Variants in SBNO2 observed in about 807,000 individuals in gnomAD.
SBNO2 encodes strawberry notch homolog 2.
In SBNO2, 89 loss-of-function variants were observed where a neutral mutation model predicts 146.3. That is an observed-to-expected ratio of 0.61 (90% confidence interval 0.51 to 0.73). The LOEUF (loss-of-function observed/expected upper bound fraction) is 0.73. Among genes scored for constraint, SBNO2 ranks in the 30% least tolerant of loss-of-function variants. The pLI is 0.00. For synonymous variants in SBNO2, 1,147 were observed against 892.6 expected, an observed-to-expected ratio of 1.29 and a Z score of -5.08; for missense variants, 2,092 against 2,003.7, an observed-to-expected ratio of 1.04 and a Z score of -0.84.
At chr19:1,167,583 C>T (rs897802222) in intron 1 of SBNO2, among the ~76,000 whole-genome samples, 1 of 152,246 alleles carries the variant, frequency 6.6e-6, no homozygotes, top group Admixed American at 6.5e-5. Context: ...AGGCTTCTGA[C>T]CTGACCTCCC....
intron 1 of SBNO2, among the ~76,000 whole-genome samples, chr19:1,164,027 G>A (rs780463699): frequency 6.6e-6 from 1 of 152,296 alleles, no homozygotes; most frequent in East Asian, 1.9e-4. Flanking sequence ...CCCTCCCCCC[G>A]ACCAAGGACC....
intron 14 of SBNO2, among the ~76,000 whole-genome samples, chr19:1,118,752 A>G (rs3826959): frequency 0.54 from 81,268 of 151,624 alleles, 22,478 homozygotes; most frequent in African/African-American, 0.67. Context: ...GGCACCTGTA[A>G]CTCCAGCTAC....
intron 1 of SBNO2, among the ~76,000 whole-genome samples, chr19:1,163,347 GC>G (rs2080368460): frequency 6.6e-6 from 1 of 152,230 alleles, no homozygotes; most frequent in Admixed American, 6.5e-5. Flanking sequence ...GGCGCCTGGA[GC>G]CCCGGAAGCT....
intron 2 of SBNO2, 40 bp downstream of exon 2, chr19:1,154,144 G>T: frequency 9.7e-7 from 1 of 1,036,016 alleles, no homozygotes; most frequent in Non-Finnish European, 1.2e-6. Context: ...AAGTGCCCGT[G>T]GACCCCGTCG....
chr19:1,138,626 G>A (rs1185186796), intron 4 of SBNO2, among the ~76,000 whole-genome samples: 5 of 151,802 alleles, frequency 3.3e-5, no homozygotes, highest in South Asian at 4.1e-4. Flanking sequence ...CGTCCATCAC[G>A]GACACACAGA....
Position 1,111,389 on chromosome 19 carries a change from G to A in SBNO2, c.2809+117C>T, listed in dbSNP as rs1250286368. The A allele has an allele frequency of 3.9e-6, 3 of 776,256 alleles. No homozygotes were observed. The African/African-American group carries it at 5.2e-5, about 13-fold the overall frequency. 48.1% of individuals were successfully genotyped at this position (776,256 alleles called of 1,614,324 possible). ...TTCACAGCCCTCTCTGTCCGTGTGT[G>A]GGGAGGGGTCACTCAACACACAACC... On this transcript the variant is annotated intron_variant, in intron 24 of 31. Coordinates refer to ENST00000361757, the MANE Select transcript of SBNO2 (RefSeq NM_014963.3).
chr19:1,171,096 GCA>G (rs751814162), intron 1 of SBNO2, among the ~76,000 whole-genome samples: 1 of 151,362 alleles, frequency 6.6e-6, no homozygotes, highest in East Asian at 2.0e-4. Flanking sequence ...GGGTGCACAG[GCA>G]CACACAACAC....
intron 4 of SBNO2, chr19:1,132,213 C>A: frequency 7.4e-7 from 1 of 1,350,632 alleles, no homozygotes. Context: ...CGGCAGCAGC[C>A]CCAGCATTGG....
intron 5 of SBNO2, among the ~76,000 whole-genome samples, chr19:1,124,885 G>A (rs567997769): frequency 3.3e-5 from 5 of 152,218 alleles, no homozygotes; most frequent in African/African-American, 4.8e-5. Context: ...CGGGTGGGTC[G>A]GGGGGTGGTG....
Position 1,132,234 on chromosome 19 carries a change from G to A in SBNO2, c.280-4469C>T, listed in dbSNP as rs944839866. The A allele has an allele frequency of 3.8e-6, 5 of 1,302,388 alleles. 1 individual carries two copies. Among genetic ancestry groups the A allele is most frequent in the Non-Finnish European group, 4.9e-6 (5 of 1,021,948 alleles). The allele number at this position is 1,302,388 out of a possible 1,614,324, so 80.7% of individuals were successfully genotyped here. On this transcript the variant is annotated intron_variant, in intron 4 of 31. Coordinates refer to ENST00000361757, the MANE Select transcript of SBNO2 (RefSeq NM_014963.3). ...CAGCCCCAGCATTGGGTCGGCCGGG[G>A]CGGACGGGGGCGGCTCTCCGCCCGG...
At chr19:1,131,495 G>A (rs2080027847) in intron 4 of SBNO2, among the ~76,000 whole-genome samples, 1 of 152,192 alleles carries the variant, frequency 6.6e-6, no homozygotes, top group Admixed American at 6.5e-5. Flanking sequence ...GCCCTGGGCA[G>A]CCAACTCCAG....
At chr19:1,139,822 G>C (rs1335167820) in intron 4 of SBNO2, among the ~76,000 whole-genome samples, 1 of 152,000 alleles carries the variant, frequency 6.6e-6, no homozygotes, top group Non-Finnish European at 1.5e-5. Context: ...GTGCGCGTCT[G>C]TAATCCCAGC....
At position 1,107,640 on chromosome 19, in the gene SBNO2, G is replaced by A. The variant is rs977476589; in HGVS notation, c.*580C>T. 2 of 152,518 alleles carry A rather than the reference G, an allele frequency of 1.3e-5. No individual in the cohort carries two copies. The allele number at this position is 152,518 out of a possible 1,614,324, so 9.4% of individuals were successfully genotyped here. On this transcript the variant is annotated 3_prime_UTR_variant, in exon 32 of 32. Transcript: ENST00000361757. Reference sequence around the variant, plus strand: ...GGCTGAGGAGCAGACTCCGTGGGAAGTAGGCAAAAGGCACATATATTTAAA... The same window carrying A: ...GGCTGAGGAGCAGACTCCGTGGGAAATAGGCAAAAGGCACATATATTTAAA...
chr19:1,108,356 G>T lies in SBNO2; in HGVS notation c.3965C>A (p.Ser1322Ter). 1 of 1,297,148 alleles carries T rather than the reference G, an allele frequency of 7.7e-7. No individual in the cohort carries two copies. Among genetic ancestry groups the T allele is most frequent in the Non-Finnish European group, 9.8e-7 (1 of 1,017,672 alleles). 80.4% of individuals were successfully genotyped at this position (1,297,148 alleles called of 1,614,324 possible). Reference protein sequence around the residue: ...FKEVLEDMLRSLHAGPPSEGA... With the variant: ...FKEVLEDMLR ...CTCGGAGGGCGGCCCCGCGTGCAGC[G>T]AGCGCAGCATGTCCTCCAGCACCTC... The change falls in exon 32 of 32, where the codon TCG becomes TAG. Residue 1322 changes from serine (S) to a stop codon, truncating the protein, a stop_gained. Coordinates refer to ENST00000361757, the MANE Select transcript of SBNO2 (RefSeq NM_014963.3). LOFTEE classifies it low-confidence loss of function (END_TRUNC).
At position 1,109,021 on chromosome 19, in the gene SBNO2, G is replaced by C. The variant is rs1176854985; in HGVS notation, c.3426-52C>G. 6.7e-7 allele frequency: 1 copy of C among 1,489,100 alleles called. No homozygotes were observed. The highest frequency in any genetic ancestry group is 1.4e-5 in the African/African-American group (1 of 71,450). The allele number at this position is 1,489,100 out of a possible 1,614,324, so 92.2% of individuals were successfully genotyped here. A position where few individuals can be genotyped will look rare whatever the true frequency, so the allele number is the denominator to read the frequency against. On this transcript the variant is annotated intron_variant, in intron 30 of 31. Transcript: ENST00000361757. This position sits in a 1 kb window ranked among gnomAD's most constrained non-coding sequence, Gnocchi z 4.2. Reference sequence around the variant, plus strand: ...TCAGGCGGGTCCCAGGGGCCCGCAGGCTCCCCAGGTGCCCTGAGATCTCCC... The same window carrying C: ...TCAGGCGGGTCCCAGGGGCCCGCAGCCTCCCCAGGTGCCCTGAGATCTCCC...
rs1023575415 is a variant in SBNO2, at chr19:1,173,486, G to C, written c.-127+686C>G. ...CATCTGCCCCAGAAGAGAAGTCGGA[G>C]GCCCCAGGAGCGGGAGGGGCGGGGA... On this transcript the variant is annotated intron_variant, in intron 1 of 31. Transcript: ENST00000361757. The surrounding 1 kb of genome is among the most constrained non-coding windows in gnomAD (Gnocchi z 4.7). 5.3e-5 allele frequency among the ~76,000 whole-genome samples: 8 copies of C among 152,200 alleles called. No homozygotes were observed. Among genetic ancestry groups the C allele is most frequent in the African/African-American group, 1.9e-4 (8 of 41,460 alleles).
chr19:1,131,543 C>G (rs774508173), intron 4 of SBNO2, among the ~76,000 whole-genome samples: 1 of 152,240 alleles, frequency 6.6e-6, no homozygotes, highest in Non-Finnish European at 1.5e-5. Context: ...TGATGTGCTG[C>G]CGCTGCCCTG....
chr19:1,125,084 G>A (rs1347040260), intron 5 of SBNO2, among the ~76,000 whole-genome samples: 1 of 151,916 alleles, frequency 6.6e-6, no homozygotes, highest in Non-Finnish European at 1.5e-5. Flanking sequence ...GGGTACAGTG[G>A]CTCACACCCG....
Position 1,150,166 on chromosome 19 carries a change from G to T in SBNO2, c.94-724C>A, listed in dbSNP as rs1300601445. 6.6e-6 allele frequency among the ~76,000 whole-genome samples: 1 copy of T among 152,104 alleles called. No individual in the cohort carries two copies. Among genetic ancestry groups the T allele is most frequent in the South Asian group, 2.1e-4 (1 of 4,828 alleles). On this transcript the variant is annotated intron_variant, in intron 2 of 31. Transcript: ENST00000361757. The surrounding 1 kb of genome is among the most constrained non-coding windows in gnomAD (Gnocchi z 6.2). The stretch of plus-strand genomic sequence containing the variant: ...TTACCCAACACCCTCGCCAGGAGCC[G>T]ATGTCCCCACCCCATGGTTCTCTGG...
Sources: allele counts gnomAD v4.1 joint callset (sites outside exome capture counted in the v4.1 genomes callset), GRCh38; gene constraint gnomAD v4.1.1; non-coding constraint Gnocchi (gnomAD v3.1); transcripts MANE v1.5; gene names NCBI Gene and HGNC (gene_info 2026-07-23, HGNC 2026-07-21).